IL1RAPL1: variants seen among roughly 807,000 people sequenced by gnomAD.
The protein encoded by IL1RAPL1 is interleukin-1 receptor accessory protein-like 1.
In IL1RAPL1, 3 loss-of-function variants were observed where a neutral mutation model predicts 48.4. The observed-to-expected ratio is 0.06, with a 90% CI of 0.03 to 0.16. The LOEUF (loss-of-function observed/expected upper bound fraction) is 0.16. Among genes scored for constraint, IL1RAPL1 ranks in the 10% least tolerant of loss-of-function variants. The pLI is 1.00. For synonymous variants in IL1RAPL1, 185 were observed against 187.7 expected (o/e 0.99, Z 0.12); for missense variants, 349 against 530.6 (o/e 0.66, Z 3.36).
chrX:29,947,769 G>GT (rs1372671998), intron 9 of IL1RAPL1, among the ~76,000 whole-genome samples: 2 of 99,166 alleles, frequency 2.0e-5, no homozygotes, highest in Non-Finnish European at 4.1e-5. Flanking sequence ...TTTTTTTTTG[G>GT]TGGGGGGGTG....
intron 5 of IL1RAPL1, among the ~76,000 whole-genome samples, chrX:29,487,121 A>T (rs1417391742): frequency 9.0e-6 from 1 of 111,696 alleles, no homozygotes; most frequent in Admixed American, 9.5e-5. Context: ...AATCCTGCCT[A>T]TGATAACATT....
At chrX:29,678,495 G>C (rs187009635) in intron 6 of IL1RAPL1, among the ~76,000 whole-genome samples, 6,662 of 104,278 alleles carry the variant, frequency 0.064, 539 homozygotes, top group African/African-American at 0.23. Flanking sequence ...GCTGGGACTA[G>C]AGGCACCCGC....
intron 2 of IL1RAPL1, among the ~76,000 whole-genome samples, chrX:28,881,770 G>C (rs1922507218): frequency 9.0e-6 from 1 of 111,271 alleles, no homozygotes; most frequent in African/African-American, 3.3e-5. Flanking sequence ...CAGCAGACTT[G>C]ATTGACTAAG....
At chrX:29,051,631 C>T (rs958422274) in intron 2 of IL1RAPL1, among the ~76,000 whole-genome samples, 5 of 111,954 alleles carry the variant, frequency 4.5e-5, no homozygotes, top group African/African-American at 1.6e-4. Context: ...ACCTTGGCTA[C>T]CTTTTGCTGC....
At chrX:28,932,145 AC>A (rs1431300841) in intron 2 of IL1RAPL1, among the ~76,000 whole-genome samples, 2 of 111,557 alleles carry the variant, frequency 1.8e-5, no homozygotes, top group Non-Finnish European at 3.8e-5. Context: ...TAAATATTTA[AC>A]ATTTCTCCTT....
chrX:29,129,008 G>T (rs73210075), intron 2 of IL1RAPL1, among the ~76,000 whole-genome samples: 3,950 of 103,789 alleles, frequency 0.038, 72 homozygotes, highest in Middle Eastern at 0.071. Context: ...ACAAAATTTT[G>T]AGAAAACGTA....
chrX:29,091,808 A>G (rs1928097658), intron 2 of IL1RAPL1, among the ~76,000 whole-genome samples: 1 of 111,634 alleles, frequency 9.0e-6, no homozygotes, highest in Non-Finnish European at 1.9e-5. Context: ...CCTAAAATGG[A>G]ACTAGAAGTT....
chrX:29,125,475 C>T (rs981711983), intron 2 of IL1RAPL1, among the ~76,000 whole-genome samples: 17 of 112,126 alleles, frequency 1.5e-4, no homozygotes, highest in Non-Finnish European at 2.6e-4. Flanking sequence ...TATTATATTA[C>T]ACATTCCCCT....
At chrX:29,209,711 A>G (rs898453579) in intron 2 of IL1RAPL1, among the ~76,000 whole-genome samples, 2 of 112,107 alleles carry the variant, frequency 1.8e-5, no homozygotes, top group Non-Finnish European at 3.8e-5. Flanking sequence ...ATAGCCTTGT[A>G]TATGTGTCTT....
chrX:29,112,940 A>G (rs1210475618), intron 2 of IL1RAPL1, among the ~76,000 whole-genome samples: 3 of 109,380 alleles, frequency 2.7e-5, no homozygotes, highest in Non-Finnish European at 5.7e-5. Flanking sequence ...AGCTACGATT[A>G]CAAGCGTGTG....
At chrX:28,984,947 A>G (rs1050544891) in intron 2 of IL1RAPL1, among the ~76,000 whole-genome samples, 2 of 112,024 alleles carry the variant, frequency 1.8e-5, no homozygotes, top group Non-Finnish European at 3.8e-5. Flanking sequence ...GGAGCACCTC[A>G]AGGCAATAAG....
At chrX:29,587,074 A>G (rs1402545256) in intron 5 of IL1RAPL1, among the ~76,000 whole-genome samples, 2 of 111,204 alleles carry the variant, frequency 1.8e-5, no homozygotes, top group Admixed American at 1.9e-4. Flanking sequence ...GTCTGCAGAC[A>G]TCGTTAGCCA....
chrX:29,517,461 C>T (rs1935458690), intron 5 of IL1RAPL1, among the ~76,000 whole-genome samples: 1 of 111,222 alleles, frequency 9.0e-6, no homozygotes, highest in Non-Finnish European at 1.9e-5. Flanking sequence ...CCTGAAAACA[C>T]TTCTACTTCA....
intron 5 of IL1RAPL1, among the ~76,000 whole-genome samples, chrX:29,638,532 G>A (rs771556079): frequency 6.3e-5 from 7 of 111,276 alleles, no homozygotes; most frequent in Non-Finnish European, 1.3e-4. Flanking sequence ...CAAGTTTCAT[G>A]GCTTTTGTTT....
intron 2 of IL1RAPL1, among the ~76,000 whole-genome samples, chrX:29,229,777 T>A (rs757203919): frequency 1.2e-3 from 134 of 112,398 alleles, no homozygotes; most frequent in African/African-American, 4.2e-3. Flanking sequence ...AAATATATAT[T>A]TTTTAATTAG....
chrX:29,635,670 T>A (rs1357915385), intron 5 of IL1RAPL1, among the ~76,000 whole-genome samples: 1 of 110,722 alleles, frequency 9.0e-6, no homozygotes, highest in East Asian at 2.8e-4. Flanking sequence ...GAAAACCTCT[T>A]GAGAGAAATG....
chrX:29,854,378 G>T (rs901678183), intron 6 of IL1RAPL1, among the ~76,000 whole-genome samples: 2 of 112,015 alleles, frequency 1.8e-5, no homozygotes, highest in African/African-American at 6.5e-5. Context: ...GGCTTTCTAA[G>T]ATGACACAGG....
At chrX:29,780,062 A>T (rs1414556133) in intron 6 of IL1RAPL1, among the ~76,000 whole-genome samples, 1 of 109,798 alleles carries the variant, frequency 9.1e-6, no homozygotes, top group Non-Finnish European at 1.9e-5. Flanking sequence ...ATTTTTAGCT[A>T]CACTGATTTT....
chrX:29,402,010 C>T (rs760303442), intron 5 of IL1RAPL1, among the ~76,000 whole-genome samples: 2 of 111,246 alleles, frequency 1.8e-5, no homozygotes, highest in East Asian at 2.8e-4. Context: ...TCTCCTGCCT[C>T]AGCCTCCCGA....
Sources: allele counts gnomAD v4.1 joint callset (sites outside exome capture counted in the v4.1 genomes callset), GRCh38; gene constraint gnomAD v4.1.1; transcripts MANE v1.5; gene names NCBI Gene and HGNC (gene_info 2026-07-23, HGNC 2026-07-21).